Variants in ALMS1 observed in about 807,000 individuals in gnomAD.
ALMS1 encodes ALMS1 centrosome and basal body associated protein.
ALMS1 carries 271 observed loss-of-function variants against 352.2 expected under a neutral mutation model. The observed-to-expected ratio is 0.77, with a 90% CI of 0.70 to 0.85. ALMS1 has a LOEUF of 0.85. Ranked by LOEUF, ALMS1 falls within the 40% of genes least tolerant of loss-of-function variation. The pLI is 0.00. For missense variants in ALMS1, 5,445 were observed against 4,870.7 expected (o/e 1.12, Z -3.51); for synonymous variants, 1,865 against 1,761.2 (o/e 1.06, Z -1.48).
At chr2:73,601,797 C>T (rs1213337831) in intron 19 of ALMS1, among the ~76,000 whole-genome samples, 1 of 152,234 alleles carries the variant, frequency 6.6e-6, no homozygotes, top group Non-Finnish European at 1.5e-5. Context: ...TGTTTCTGCT[C>T]CATGTCGGAT....
rs777468002 is a variant in ALMS1, at chr2:73,573,172, A to G, written c.11295A>G (p.Ile3765Met). The change falls in exon 16 of 23, where the codon ATA (isoleucine) becomes ATG (methionine). Residue 3765 changes from isoleucine to methionine, a missense_variant. Transcript: ENST00000613296. ...SGTTSTVESD[I>M]LTQTDREVAL... is the part of the protein sequence containing the mutation. ...CCACTTCTACTGTCGAATCAGATAT[A>G]TTGACCCAAACAGATAGAGAGGTGG... 3.7e-6 allele frequency: 6 copies of G among 1,613,580 alleles called. No homozygotes were observed. The East Asian group carries it at 8.9e-5, about 24-fold the overall frequency.
At chr2:73,576,630 T>C (rs1296817203) in intron 16 of ALMS1, among the ~76,000 whole-genome samples, 1 of 151,744 alleles carries the variant, frequency 6.6e-6, no homozygotes, top group East Asian at 1.9e-4. Flanking sequence ...TTTTCTTTTT[T>C]TTTTTTTGAG....
At chr2:73,539,034 T>C (rs1674099177) in intron 12 of ALMS1, among the ~76,000 whole-genome samples, 1 of 151,690 alleles carries the variant, frequency 6.6e-6, no homozygotes, top group Non-Finnish European at 1.5e-5. Context: ...TTGAAGAGAG[T>C]AGTGGTTCTC....
At chr2:73,575,708 A>G (rs1416412003) in intron 16 of ALMS1, among the ~76,000 whole-genome samples, 2 of 152,096 alleles carry the variant, frequency 1.3e-5, no homozygotes, top group African/African-American at 4.8e-5. Context: ...GATTTTCTAT[A>G]TATTCTGGAT....
intron 6 of ALMS1, among the ~76,000 whole-genome samples, chr2:73,429,401 C>T (rs949798764): frequency 1.3e-5 from 2 of 151,380 alleles, no homozygotes; most frequent in South Asian, 2.1e-4. Flanking sequence ...CCTGCTGCAG[C>T]GTCCCAAGTA....
At position 73,573,008 on chromosome 2, in the gene ALMS1, A is replaced by G. The variant is rs1262388667; in HGVS notation, c.11131A>G (p.Ile3711Val). 3.1e-6 allele frequency: 5 copies of G among 1,614,078 alleles called. No homozygotes were observed. The highest frequency in any genetic ancestry group is 4.2e-6 in the Non-Finnish European group (5 of 1,179,988). Residue 3711 changes from isoleucine to valine, a missense_variant, in exon 16 of 23, where the codon ATT (isoleucine) becomes GTT (valine). Coordinates refer to ENST00000613296, the MANE Select transcript of ALMS1 (RefSeq NM_001378454.1). ...AGCTGGGAGGTCTAATCAAATTAAA[A>G]TTGAACAGATTAAATTTGATAAATA... ...HRAGRSNQIK[I>V]EQIKFDKYIL...
Position 73,517,654 on chromosome 2 carries a change from A to G in ALMS1, c.9540-2121A>G, listed in dbSNP as rs932257880. ...TGTTAACATCTTTTTTTTTCATTTT[A>G]TTTTTATTTTTATTTTTTTGAAGAC... On this transcript the variant is annotated intron_variant, in intron 10 of 22. Transcript: ENST00000613296. 7.3e-5 allele frequency among the ~76,000 whole-genome samples: 11 copies of G among 149,966 alleles called. 1 individual carries two copies. The highest frequency in any genetic ancestry group is 1.5e-4 in the Non-Finnish European group (10 of 67,364).
chr2:73,466,020 CT>C (rs58731182), intron 9 of ALMS1, among the ~76,000 whole-genome samples: 151,542 of 151,990 alleles, frequency 1, 75,547 homozygotes, highest in Middle Eastern at 1. Context: ...AATAGGAACA[CT>C]TTACACTGTT....
chr2:73,593,492 G>A (rs1033489319), intron 16 of ALMS1, among the ~76,000 whole-genome samples: 1 of 152,164 alleles, frequency 6.6e-6, no homozygotes, highest in African/African-American at 2.4e-5. Flanking sequence ...CAGAACTATA[G>A]AGTATAACCT....
chr2:73,467,470 T>A (rs1005217335), intron 9 of ALMS1, among the ~76,000 whole-genome samples: 2 of 152,090 alleles, frequency 1.3e-5, no homozygotes, highest in Admixed American at 1.3e-4. Flanking sequence ...TTGGTAAAGT[T>A]ATGAAGCAAC....
intron 12 of ALMS1, among the ~76,000 whole-genome samples, chr2:73,540,860 C>T (rs1318711218): frequency 6.6e-6 from 1 of 152,100 alleles, no homozygotes; most frequent in Non-Finnish European, 1.5e-5. Context: ...ACAGGAGCAC[C>T]CAGATTGATA....
rs2103783750 is a variant in ALMS1, at chr2:73,451,240, C to T, written c.4713C>T (p.Tyr1571=). The part of the protein sequence containing the change: ...TGIPTITSTS[Y]SFGEKPIVNY... ...TACCAACCATAACCTCTACTTCCTA[C>T]TCATTTGGAGAGAAGCCGATTGTTA... is the stretch of plus-strand genomic sequence containing the variant. The change falls in exon 8 of 23, where the codon TAC becomes TAT. Residue 1571 remains tyrosine (Y), a synonymous_variant. Coordinates refer to ENST00000613296, the MANE Select transcript of ALMS1 (RefSeq NM_001378454.1). 6.2e-7 allele frequency: 1 copy of T among 1,613,852 alleles called. No homozygotes were observed. The highest frequency in any genetic ancestry group is 1.7e-5 in the Admixed American group (1 of 59,978).
rs897709626 is a variant in ALMS1 at position 73,519,665 on chromosome 2, A to G, written c.9540-110A>G. ...AACGTTTGACATTGATGTGTCCACA[A>G]TATATTCCTATAGCTACTTAAATAT... is the stretch of plus-strand genomic sequence containing the variant. On this transcript the variant is annotated intron_variant, in intron 10 of 22. Transcript: ENST00000613296. 14 of 1,436,570 alleles carry G rather than the reference A, an allele frequency of 9.7e-6. No homozygotes were observed. In the African/African-American group the frequency reaches 1.0e-4, roughly 10 times the overall value. The allele number at this position is 1,436,570 out of a possible 1,614,324, so 89.0% of individuals were successfully genotyped here. A position where few individuals can be genotyped will look rare whatever the true frequency, so the allele number is the denominator to read the frequency against.
chr2:73,464,077 C>T (rs1672269866), intron 9 of ALMS1, among the ~76,000 whole-genome samples: 1 of 152,308 alleles, frequency 6.6e-6, no homozygotes. Context: ...AAGAGGGAAT[C>T]CTCCCTAACT....
intron 16 of ALMS1, among the ~76,000 whole-genome samples, chr2:73,588,698 C>T (rs1675359964): frequency 6.6e-6 from 1 of 152,174 alleles, no homozygotes; most frequent in Non-Finnish European, 1.5e-5. Flanking sequence ...TATTTTAGAT[C>T]TCTCCTTATT....
At chr2:73,566,015 T>C (rs1674794189) in intron 15 of ALMS1, among the ~76,000 whole-genome samples, 1 of 152,178 alleles carries the variant, frequency 6.6e-6, no homozygotes, top group Non-Finnish European at 1.5e-5. Context: ...TGGTTAATAA[T>C]AATGTAACTT....
chr2:73,438,614 T>C (rs75515561), intron 7 of ALMS1, among the ~76,000 whole-genome samples: 6,659 of 152,220 alleles, frequency 0.044, 364 homozygotes, highest in African/African-American at 0.11. Context: ...TTAAATAATT[T>C]GTGATTAAAA....
intron 22 of ALMS1, among the ~76,000 whole-genome samples, 159 bp from the exon 23 acceptor site, chr2:73,609,409 T>C (rs1229283199): frequency 6.6e-6 from 1 of 152,248 alleles, no homozygotes; most frequent in African/African-American, 2.4e-5. Flanking sequence ...TGAAGTATTT[T>C]TTATATGACG....
In ALMS1 at chr2:73,435,572, C is replaced by G. The variant is rs766905696; in HGVS notation, c.1432+3281C>G. ...TTTGGTGCTATTATTGTTATACATA[C>G]TACTCACACACGTATATAAATGCCT... On this transcript the variant is annotated intron_variant, in intron 7 of 22. Coordinates refer to ENST00000613296, the MANE Select transcript of ALMS1 (RefSeq NM_001378454.1). Among the ~76,000 whole-genome samples the G allele has an allele frequency of 2.6e-5, 4 of 151,302 alleles. No homozygotes were observed. In the South Asian group the frequency reaches 8.4e-4, roughly 32 times the overall value.
Sources: gnomAD v4.1 joint callset for allele counts (sites outside exome capture counted in the v4.1 genomes callset) on GRCh38, gnomAD v4.1.1 for gene constraint, MANE v1.5 for transcripts, NCBI Gene and HGNC (gene_info 2026-07-23, HGNC 2026-07-21) for gene names.